Variants in NELL1 observed in about 807,000 individuals in gnomAD.
NELL1 encodes the protein neural EGFL like 1, also known as protein kinase C-binding protein NELL1.
Under a neutral mutation model 107.4 loss-of-function variants are expected in NELL1, and 76 were observed. That is an observed-to-expected ratio of 0.71 (90% CI 0.59 to 0.86). The LOEUF is 0.86. NELL1 is among the 40% of genes least tolerant of loss of function. The pLI, the probability that NELL1 is intolerant of heterozygous loss-of-function variation, is 0.00. For missense variants in NELL1, 1,024 were observed against 1,005.5 expected (o/e 1.02, Z -0.25); for synonymous variants, 353 against 341.2 (o/e 1.03, Z -0.38).
intron 13 of NELL1, among the ~76,000 whole-genome samples, chr11:21,211,520 A>G (rs1054801396): frequency 2.0e-5 from 3 of 152,154 alleles, no homozygotes; most frequent in African/African-American, 7.2e-5. Context: ...GTGTGGCAAA[A>G]TGATAAGACT....
intron 12 of NELL1, among the ~76,000 whole-genome samples, chr11:21,022,723 G>A (rs1852729377): frequency 1.3e-5 from 2 of 152,136 alleles, no homozygotes; most frequent in African/African-American, 2.4e-5. Flanking sequence ...TGTGACCTTG[G>A]CAACATGCCT....
chr11:21,164,637 G>A lies in NELL1; in HGVS notation c.1426+50923G>A, dbSNP rs543219014. On this transcript the variant is annotated intron_variant, in intron 13 of 19. Coordinates refer to ENST00000357134, the MANE Select transcript of NELL1 (RefSeq NM_006157.5). The stretch of plus-strand genomic sequence containing the variant: ...GAAAGAAATCATAGTGTTATAAAAT[G>A]CATTAGTTGTTTTGGCTTTTAAAAA... Among the ~76,000 whole-genome samples the A allele has an allele frequency of 8.5e-5, 13 of 152,264 alleles. No individual in the cohort carries two copies. In the South Asian group the frequency reaches 2.7e-3, roughly 32 times the overall value.
chr11:21,065,101 CTTTCT>C (rs1853836679), intron 12 of NELL1, among the ~76,000 whole-genome samples: 1 of 151,902 alleles, frequency 6.6e-6, no homozygotes, highest in African/African-American at 2.4e-5. Flanking sequence ...TGAGCACATA[CTTTCT>C]TTTATACAAG....
At chr11:21,271,703 A>G (rs2133935346) in intron 14 of NELL1, among the ~76,000 whole-genome samples, 2 of 152,330 alleles carry the variant, frequency 1.3e-5, no homozygotes, top group East Asian at 3.9e-4. Flanking sequence ...ATTTCTCATG[A>G]ACATAGATGC....
At chr11:21,235,398 G>A (rs1308637824) in intron 14 of NELL1, among the ~76,000 whole-genome samples, 1 of 152,128 alleles carries the variant, frequency 6.6e-6, no homozygotes, top group East Asian at 1.9e-4. Flanking sequence ...CAGAAAACAG[G>A]TAGATTAGAG....
chr11:20,755,550 G>GTTTTTTTTTTTTTTTTTTTT (rs1226891368), intron 2 of NELL1, among the ~76,000 whole-genome samples: 2 of 114,546 alleles, frequency 1.7e-5, no homozygotes, highest in Admixed American at 8.7e-5. Flanking sequence ...GTTTTTTTTT[G>GTTTTTTTTTTTTTTTTTTTT]TTTTTGTTTT....
chr11:21,284,615 T>C (rs1447289995), intron 14 of NELL1: 2 of 429,204 alleles, frequency 4.7e-6, no homozygotes, highest in South Asian at 1.7e-5. Context: ...TCAGTCTTTA[T>C]GGCAATGTTA....
chr11:21,487,024 A>G (rs1446048290), intron 15 of NELL1, among the ~76,000 whole-genome samples: 1 of 152,160 alleles, frequency 6.6e-6, no homozygotes, highest in Admixed American at 6.5e-5. Flanking sequence ...GGACAAAGAG[A>G]TAATGAAGGG....
At chr11:21,242,675 C>A (rs1328486428) in intron 14 of NELL1, among the ~76,000 whole-genome samples, 1 of 151,310 alleles carries the variant, frequency 6.6e-6, no homozygotes, top group Non-Finnish European at 1.5e-5. Flanking sequence ...CTGTGAATAT[C>A]CAGAGTTTAA....
At chr11:20,974,493 A>G (rs1851565274) in intron 12 of NELL1, among the ~76,000 whole-genome samples, 1 of 151,758 alleles carries the variant, frequency 6.6e-6, no homozygotes, top group Non-Finnish European at 1.5e-5. Flanking sequence ...TTTTTTCCCC[A>G]GGATACATTT....
chr11:21,008,912 G>A (rs1213909399), intron 12 of NELL1, among the ~76,000 whole-genome samples: 2 of 152,116 alleles, frequency 1.3e-5, no homozygotes, highest in Non-Finnish European at 2.9e-5. Flanking sequence ...AATACTGTTG[G>A]TTTCGAGGTT....
chr11:20,931,269 C>T (rs1031223335), intron 9 of NELL1, among the ~76,000 whole-genome samples: 1 of 151,970 alleles, frequency 6.6e-6, no homozygotes, highest in African/African-American at 2.4e-5. Context: ...GGACATGGAG[C>T]CAAGTTAAAT....
intron 5 of NELL1, among the ~76,000 whole-genome samples, chr11:20,893,679 T>C (rs1033769190): frequency 5.3e-5 from 8 of 151,534 alleles, no homozygotes; most frequent in Non-Finnish European, 1.2e-4. Context: ...AAATATTTAA[T>C]ATAAGATACC....
intron 14 of NELL1, among the ~76,000 whole-genome samples, chr11:21,309,311 T>A (rs1047150007): frequency 7.3e-5 from 10 of 136,402 alleles, no homozygotes; most frequent in South Asian, 4.4e-4. Context: ...TATATATATA[T>A]AATATATATA....
intron 12 of NELL1, among the ~76,000 whole-genome samples, chr11:21,063,219 G>A (rs1853785137): frequency 6.6e-6 from 1 of 152,110 alleles, no homozygotes; most frequent in African/African-American, 2.4e-5. Flanking sequence ...TGAGTTCTGG[G>A]AGAGGCCCTA....
At chr11:21,552,375 C>T (rs534542267) in intron 16 of NELL1, among the ~76,000 whole-genome samples, 1 of 151,688 alleles carries the variant, frequency 6.6e-6, no homozygotes, top group Non-Finnish European at 1.5e-5. Context: ...AGAGAGTCTG[C>T]TCAGAGGAGT....
At chr11:20,763,340 G>A (rs1460714846) in intron 2 of NELL1, among the ~76,000 whole-genome samples, 12 of 152,166 alleles carry the variant, frequency 7.9e-5, no homozygotes, top group Non-Finnish European at 4.4e-5. Flanking sequence ...ATGGAGGAAA[G>A]TGAGAGCGAC....
chr11:20,850,757 C>G (rs1178321998), intron 4 of NELL1, among the ~76,000 whole-genome samples: 2 of 152,130 alleles, frequency 1.3e-5, no homozygotes, highest in Non-Finnish European at 2.9e-5. Context: ...GATGTGAAAT[C>G]TAATTGATGG....
At chr11:21,136,264 A>C (rs1855742185) in intron 13 of NELL1, among the ~76,000 whole-genome samples, 1 of 151,820 alleles carries the variant, frequency 6.6e-6, no homozygotes, top group Non-Finnish European at 1.5e-5. Flanking sequence ...TGAGGAAAAG[A>C]CAGAAGGCAG....
Sources: allele counts gnomAD v4.1 joint callset (sites outside exome capture counted in the v4.1 genomes callset), GRCh38; gene constraint gnomAD v4.1.1; transcripts MANE v1.5; gene names NCBI Gene and HGNC (gene_info 2026-07-23, HGNC 2026-07-21).